Variants in STPG2 observed in about 807,000 individuals in gnomAD.
STPG2 encodes sperm tail PG-rich repeat containing 2, also known as sperm-tail PG-rich repeat-containing protein 2.
STPG2 carries 56 observed loss-of-function variants against 54.2 expected under a neutral mutation model. The ratio of observed to expected loss-of-function variants is 1.03; its 90% CI spans 0.83 to 1.29. The LOEUF (loss-of-function observed/expected upper bound fraction) is 1.29, where lower values mean the gene tolerates loss of function less well. Ranked by LOEUF, STPG2 falls within the 50% of genes most tolerant of loss-of-function variation. The pLI is 0.00. For missense variants in STPG2, 596 were observed against 544.9 expected (o/e 1.09, Z -0.93); for synonymous variants, 200 against 181.8 (o/e 1.10, Z -0.81).
intron 10 of STPG2, among the ~76,000 whole-genome samples, chr4:97,594,577 A>G (rs1733232027): frequency 6.6e-6 from 1 of 152,250 alleles, no homozygotes; most frequent in African/African-American, 2.4e-5. Context: ...AACCTACTTC[A>G]GAATATTGTT....
chr4:97,465,230 C>A lies in STPG2; in HGVS notation c.462+247469G>T, dbSNP rs903722683. Among the ~76,000 whole-genome samples the A allele has an allele frequency of 9.9e-5, 15 of 152,152 alleles. 1 individual carries two copies. Among genetic ancestry groups the A allele is most frequent in the Admixed American group, 7.9e-4 (12 of 15,258 alleles). On this transcript the variant is annotated intron_variant, in intron 4 of 4. Transcript: ENST00000522676. ...GTTGATGGATCCAATGGCTTCAACTCCTGATCTCATTTGCTGTATCACTCT... is the reference window on the plus strand; with the variant it reads ...GTTGATGGATCCAATGGCTTCAACTACTGATCTCATTTGCTGTATCACTCT...
intron 10 of STPG2, among the ~76,000 whole-genome samples, chr4:97,605,730 T>G (rs1733575880): frequency 6.6e-6 from 1 of 151,416 alleles, no homozygotes; most frequent in African/African-American, 2.4e-5. Flanking sequence ...TTTATAAACT[T>G]AGAGAGTTTC....
At chr4:98,077,390 G>A (rs1172567864) in intron 5 of STPG2, among the ~76,000 whole-genome samples, 8 of 151,984 alleles carry the variant, frequency 5.3e-5, no homozygotes, top group African/African-American at 1.7e-4. Flanking sequence ...CTACAGGCGC[G>A]TACCACCACG....
chr4:97,486,860 A>AACACACAC lies in STPG2; in HGVS notation c.462+225831_462+225838dup, dbSNP rs772458069. ...ATATATATATATATGTATGTATACA[A>AACACACAC]ACACACACACACACACACACACACA... is the stretch of plus-strand genomic sequence containing the variant. On this transcript the variant is annotated intron_variant, in intron 4 of 4. Transcript: ENST00000522676. 5.4e-3 allele frequency among the ~76,000 whole-genome samples: 675 copies of AACACACAC among 125,594 alleles called. 4 individuals carry two copies. The highest frequency in any genetic ancestry group is 0.017 in the African/African-American group (552 of 32,892). 82.4% of individuals were successfully genotyped at this position (125,594 alleles called of 152,430 possible).
chr4:97,671,537 G>C lies in STPG2; in HGVS notation c.1320+41162C>G, dbSNP rs536213752. On this transcript the variant is annotated intron_variant, in intron 10 of 10. Coordinates refer to ENST00000295268, the MANE Select transcript of STPG2 (RefSeq NM_174952.3). ...TCTCCACAAAACAACTAAATGTATA[G>C]TGTAAGACTGTAAATGCACCCATAT... Among the ~76,000 whole-genome samples, 3 of 152,302 alleles carry C rather than the reference G, an allele frequency of 2.0e-5. No homozygotes were observed. In the South Asian group the frequency reaches 6.2e-4, roughly 32 times the overall value.
intron 3 of STPG2, among the ~76,000 whole-genome samples, chr4:98,110,992 A>T (rs1739331329): frequency 6.6e-6 from 1 of 152,178 alleles, no homozygotes; most frequent in Admixed American, 6.6e-5. Flanking sequence ...TATATCAAAT[A>T]GACACAAGTA....
chr4:97,906,816 C>T (rs184186158), intron 8 of STPG2, among the ~76,000 whole-genome samples: 4 of 152,258 alleles, frequency 2.6e-5, no homozygotes, highest in South Asian at 2.1e-4. Context: ...AAATTCAACA[C>T]CCCGTCAAAC....
chr4:98,099,549 C>T (rs13139024), intron 5 of STPG2, among the ~76,000 whole-genome samples: 60,140 of 151,850 alleles, frequency 0.4, 12,136 homozygotes, highest in Middle Eastern at 0.46. Flanking sequence ...ATAAGGCCTA[C>T]TATTTGATAG....
At chr4:97,773,913 G>A (rs1240422822) in intron 9 of STPG2, among the ~76,000 whole-genome samples, 4 of 151,924 alleles carry the variant, frequency 2.6e-5, no homozygotes, top group Admixed American at 2.6e-4. Context: ...TACTTGTGAG[G>A]CTGAGGAGGG....
intron 7 of STPG2, among the ~76,000 whole-genome samples, chr4:97,945,478 G>A (rs781607191): frequency 6.6e-6 from 1 of 151,972 alleles, no homozygotes; most frequent in Non-Finnish European, 1.5e-5. Flanking sequence ...CACTAAGATT[G>A]GTTCCTTATC....
intron 10 of STPG2, among the ~76,000 whole-genome samples, chr4:97,651,275 G>GA (rs908964485): frequency 1.2e-4 from 18 of 148,750 alleles, no homozygotes; most frequent in African/African-American, 3.0e-4. Context: ...GTCTTTATTT[G>GA]AAAAAAAAAA....
At chr4:97,973,345 T>C (rs930486157) in intron 6 of STPG2, among the ~76,000 whole-genome samples, 17 of 152,160 alleles carry the variant, frequency 1.1e-4, no homozygotes, top group Admixed American at 3.9e-4. Flanking sequence ...TGATTTAGGG[T>C]ATCTGGCAGA....
At chr4:98,139,889 T>C (rs1740233092) in intron 1 of STPG2, among the ~76,000 whole-genome samples, 1 of 152,244 alleles carries the variant, frequency 6.6e-6, no homozygotes. Flanking sequence ...AGATTACTGT[T>C]TGTTTTTGAA....
chr4:97,686,796 T>C (rs931624312), intron 10 of STPG2, among the ~76,000 whole-genome samples: 6 of 152,156 alleles, frequency 3.9e-5, no homozygotes, highest in Non-Finnish European at 7.4e-5. Flanking sequence ...GTAAATCCAT[T>C]GCACTTAGTG....
rs1435387354 is a variant in STPG2 at position 97,528,408 on chromosome 4, G to GAGTATAGTTTGA, written c.462+184279_462+184290dup. On this transcript the variant is annotated intron_variant, in intron 4 of 4. Coordinates refer to the STPG2 transcript ENST00000522676. ...TGCTGTTTTGGTTATTGTAGCTTTGGAGTATAGTTTGAAGTCCAGTAGCAT... is the reference window on the plus strand; with the variant it reads ...TGCTGTTTTGGTTATTGTAGCTTTGGAGTATAGTTTGAAGTATAGTTTGAAGTCCAGTAGCAT... 4.6e-5 allele frequency among the ~76,000 whole-genome samples: 7 copies of GAGTATAGTTTGA among 152,010 alleles called. No homozygotes were observed. The South Asian group carries it at 1.2e-3, about 27-fold the overall frequency.
At chr4:97,554,106 CT>C (rs1428339045), downstream of STPG2, among the ~76,000 whole-genome samples, 1 of 152,054 alleles carries the variant, frequency 6.6e-6, no homozygotes, top group Admixed American at 6.5e-5. Flanking sequence ...TTTCCAATTG[CT>C]TTAGTTTCAT....
chr4:97,700,773 G>A (rs528618213), intron 10 of STPG2, among the ~76,000 whole-genome samples: 2 of 152,332 alleles, frequency 1.3e-5, no homozygotes, highest in South Asian at 4.1e-4. Flanking sequence ...GTATAATGCT[G>A]GCCTTGCCAG....
chr4:97,713,882 T>C lies in STPG2; in HGVS notation c.1205-1068A>G, dbSNP rs533214885. Among the ~76,000 whole-genome samples, 8 of 152,304 alleles carry C rather than the reference T, an allele frequency of 5.3e-5. No individual in the cohort carries two copies. In the East Asian group the frequency reaches 1.5e-3, roughly 29 times the overall value. ...ATATTTTAAACAATACTATTGAGTG[T>C]CTATCACATGCCAAACCTTGTGTTT... is the stretch of plus-strand genomic sequence containing the variant. On this transcript the variant is annotated intron_variant, in intron 9 of 10. Transcript: ENST00000295268.
intron 8 of STPG2, among the ~76,000 whole-genome samples, chr4:97,901,843 C>T (rs1731187788): frequency 6.6e-6 from 1 of 151,602 alleles, no homozygotes; most frequent in Admixed American, 6.6e-5. Flanking sequence ...CAAAAGACTC[C>T]AAATAACTAA....
Sources: allele counts gnomAD v4.1 joint callset (sites outside exome capture counted in the v4.1 genomes callset), GRCh38; gene constraint gnomAD v4.1.1; transcripts MANE v1.5; gene names NCBI Gene and HGNC (gene_info 2026-07-23, HGNC 2026-07-21).